The following PSEN1 variants were observed in gnomAD, a reference collection of about 807,000 sequenced individuals.
PSEN1 encodes presenilin 1, also known as presenilin-1.
PSEN1 carries 15 observed loss-of-function variants against 53.5 expected under a neutral mutation model. That is an observed-to-expected ratio of 0.28 (90% CI 0.19 to 0.43). The LOEUF (loss-of-function observed/expected upper bound fraction) is 0.43. Among genes scored for constraint, PSEN1 ranks in the 20% least tolerant of loss-of-function variants. PSEN1 has a pLI of 1.00. For synonymous variants in PSEN1, 208 were observed against 209.8 expected (o/e 0.99, Z 0.08); for missense variants, 387 against 571.2 (o/e 0.68, Z 3.29).
chr14:73,170,374 C>T (rs1359365493), intron 3 of PSEN1, among the ~76,000 whole-genome samples: 1 of 152,162 alleles, frequency 6.6e-6, no homozygotes, highest in African/African-American at 2.4e-5. Flanking sequence ...GGTCCAAACG[C>T]CTCTGACACA....
rs1220375757 is a variant in PSEN1 at position 73,147,794 on chromosome 14, G to C, written c.-135-1G>C. 2 of 553,186 alleles carry C rather than the reference G, an allele frequency of 3.6e-6. No homozygotes were observed. The highest frequency in any genetic ancestry group is 1.9e-5 in the African/African-American group (1 of 52,814). The allele number at this position is 553,186 out of a possible 1,614,324, so 34.3% of individuals were successfully genotyped here. On this transcript the variant is annotated splice_acceptor_variant, in intron 1 of 11. Coordinates refer to ENST00000324501, the MANE Select transcript of PSEN1 (RefSeq NM_000021.4). LOFTEE classifies it low-confidence loss of function (5UTR_SPLICE). Reference sequence around the variant, plus strand: ...GATGACCTGGTGAAATCCTATTTCAGACCTAATCTGGGAGCCTGCAAGTGA... The same window carrying C: ...GATGACCTGGTGAAATCCTATTTCACACCTAATCTGGGAGCCTGCAAGTGA...
At chr14:73,146,725 G>A (rs1341965925) in intron 1 of PSEN1, among the ~76,000 whole-genome samples, 2 of 152,098 alleles carry the variant, frequency 1.3e-5, no homozygotes, top group Non-Finnish European at 2.9e-5. Context: ...AATATTTAGA[G>A]GAAAGAGTAT....
chr14:73,206,331 T>C (rs952304413), intron 8 of PSEN1, 55 bp from the exon 9 acceptor site: 2 of 1,230,214 alleles, frequency 1.6e-6, no homozygotes, highest in Non-Finnish European at 2.4e-6. Flanking sequence ...CTTGTTGTTG[T>C]CTATGCATAC....
intron 3 of PSEN1, among the ~76,000 whole-genome samples, chr14:73,154,733 C>T (rs1282787217): frequency 1.3e-5 from 2 of 152,128 alleles, no homozygotes; most frequent in African/African-American, 4.8e-5. Flanking sequence ...GGAACATGAA[C>T]AACTTAACTC....
At chr14:73,169,379 C>G (rs1594995584) in intron 3 of PSEN1, 1 of 152,238 alleles carries the variant, frequency 6.6e-6, no homozygotes, top group African/African-American at 2.4e-5. Context: ...TCATCCATTT[C>G]TGAGGCCTGA....
chr14:73,168,032 C>T lies in PSEN1; in HGVS notation c.88-2765C>T, dbSNP rs183898424. 10 of 152,176 alleles carry T rather than the reference C, an allele frequency of 6.6e-5. No individual in the cohort carries two copies. In the East Asian group the frequency reaches 1.7e-3, roughly 26 times the overall value. The allele number at this position is 152,176 out of a possible 1,614,324, so 9.4% of individuals were successfully genotyped here. A position where few individuals can be genotyped will look rare whatever the true frequency, so the allele number is the denominator to read the frequency against. ...CCCACCCAAATGTTGCCTCTTTGGC[C>T]TGCCATGCCCCTATCCTGTGCTCAT... is the stretch of plus-strand genomic sequence containing the variant. On this transcript the variant is annotated intron_variant, in intron 3 of 11. Transcript: ENST00000324501.
At chr14:73,169,664 A>G (rs1449267227) in intron 3 of PSEN1, among the ~76,000 whole-genome samples, 15 of 142,086 alleles carry the variant, frequency 1.1e-4, no homozygotes, top group Non-Finnish European at 2.3e-4. Flanking sequence ...AACCTTACCA[A>G]TTTTTTTTTT....
chr14:73,184,467 G>A (rs1281415173), intron 5 of PSEN1, among the ~76,000 whole-genome samples: 5 of 106,838 alleles, frequency 4.7e-5, no homozygotes, highest in Admixed American at 1.9e-4. Flanking sequence ...AGGGGCGGCC[G>A]GGCAGAGGCG....
At chr14:73,138,985 G>A (rs1896834264) in intron 1 of PSEN1, among the ~76,000 whole-genome samples, 1 of 141,082 alleles carries the variant, frequency 7.1e-6, no homozygotes, top group Admixed American at 7.2e-5. Context: ...GAAAAAAAAT[G>A]TAAAAAGAGG....
chr14:73,163,579 A>G (rs1897621549), intron 3 of PSEN1, among the ~76,000 whole-genome samples: 2 of 152,246 alleles, frequency 1.3e-5, no homozygotes, highest in South Asian at 4.1e-4. Flanking sequence ...GACAAACAGG[A>G]GCTACATCAA....
intron 7 of PSEN1, 76 bp downstream of exon 7, chr14:73,192,940 T>A: frequency 1.8e-6 from 2 of 1,131,444 alleles, no homozygotes; most frequent in Non-Finnish European, 2.7e-6. Flanking sequence ...TCTCTTTATC[T>A]TGATTTAGAG....
chr14:73,215,630 T>C (rs1233320128), intron 10 of PSEN1, among the ~76,000 whole-genome samples: 2 of 152,012 alleles, frequency 1.3e-5, no homozygotes, highest in Non-Finnish European at 2.9e-5. Context: ...ATTTAGGATA[T>C]ATAAAGGATG....
In PSEN1 at chr14:73,147,974, A is replaced by C; in HGVS notation, c.-46A>C. On this transcript the variant is annotated 5_prime_UTR_variant, in exon 3 of 12. Transcript: ENST00000324501. ...TTTTCTTTCCCTTTTCAGAACCTCA[A>C]GAGGCTTTGTTTTCTGTGAAACAGT... The C allele has an allele frequency of 2.0e-5, 30 of 1,481,100 alleles. No homozygotes were observed. Among genetic ancestry groups the C allele is most frequent in the Non-Finnish European group, 2.4e-5 (25 of 1,059,632 alleles). The allele number at this position is 1,481,100 out of a possible 1,614,324, so 91.7% of individuals were successfully genotyped here.
chr14:73,141,210 G>C (rs1896915859), intron 1 of PSEN1, among the ~76,000 whole-genome samples: 13 of 152,158 alleles, frequency 8.5e-5, no homozygotes, highest in Admixed American at 8.5e-4. Context: ...TCACTGGAGA[G>C]AGGTGTATTC....
chr14:73,184,849 CG>C (rs1898424538), intron 5 of PSEN1, among the ~76,000 whole-genome samples: 1 of 145,310 alleles, frequency 6.9e-6, no homozygotes, highest in African/African-American at 2.6e-5. Flanking sequence ...ACTTCCCAGA[CG>C]GGGCGGCTGC....
At chr14:73,191,541 TA>T (rs1898716924) in intron 6 of PSEN1, among the ~76,000 whole-genome samples, 4 of 151,974 alleles carry the variant, frequency 2.6e-5, no homozygotes, top group Admixed American at 6.6e-5. Context: ...TACGTACATA[TA>T]TTTTTTTTTT....
At chr14:73,170,738 C>A in intron 3 of PSEN1, 59 bp from the exon 4 acceptor site, 1 of 1,591,234 alleles carries the variant, frequency 6.3e-7, no homozygotes, top group East Asian at 2.2e-5. Context: ...CAGGTCTAAC[C>A]GTTACCTTGA....
chr14:73,142,522 A>G (rs1156929285), intron 1 of PSEN1, among the ~76,000 whole-genome samples: 1 of 152,228 alleles, frequency 6.6e-6, no homozygotes, highest in Admixed American at 6.5e-5. Flanking sequence ...AGAAAATGGA[A>G]TCAATAAGTA....
intron 3 of PSEN1, among the ~76,000 whole-genome samples, chr14:73,151,129 A>G (rs1897210724): frequency 6.6e-6 from 1 of 152,224 alleles, no homozygotes; most frequent in South Asian, 2.1e-4. Context: ...GAATTTCCAC[A>G]TATATGTTAG....
Sources: gnomAD v4.1 joint callset for allele counts (sites outside exome capture counted in the v4.1 genomes callset) on GRCh38, gnomAD v4.1.1 for gene constraint, MANE v1.5 for transcripts, NCBI Gene and HGNC (gene_info 2026-07-23, HGNC 2026-07-21) for gene names.